DNAAF5: variants seen among roughly 807,000 people sequenced by gnomAD.
The protein encoded by DNAAF5 is HEAT repeat containing 2.
Under a neutral mutation model 75.8 loss-of-function variants are expected in DNAAF5, and 64 were observed. The ratio of observed to expected loss-of-function variants is 0.84; its 90% CI spans 0.69 to 1.04. The LOEUF is 1.04. Among genes scored for constraint, DNAAF5 ranks in the 50% least tolerant of loss-of-function variants. The probability of loss-of-function intolerance (pLI) is 0.00; values close to 1 mark genes in which losing one functional copy is unlikely to be tolerated. For synonymous variants in DNAAF5, 657 were observed against 557.2 expected, an observed-to-expected ratio of 1.18 and a Z score of -2.52; for missense variants, 1,269 against 1,178.5, an observed-to-expected ratio of 1.08 and a Z score of -1.12.
chr7:729,810 C>G lies in DNAAF5; in HGVS notation c.743C>G (p.Ser248Cys), dbSNP rs1429128654. 3 of 1,614,204 alleles carry G rather than the reference C, an allele frequency of 1.9e-6. No homozygotes were observed. The highest frequency in any genetic ancestry group is 2.5e-6 in the Non-Finnish European group (3 of 1,180,032). The change falls in exon 2 of 13, where the codon TCC becomes TGC. Residue 248 changes from serine to cysteine, a missense_variant. Transcript: ENST00000297440. ...GGGAAGTCCGTGGACGACGTGCTTT[C>G]CCATTTTGCTCAGCGACTGTTTGAT... ...GNGKSVDDVL[S>C]HFAQRLFDDV...
chr7:747,045 C>T (rs889089542), intron 4 of DNAAF5, among the ~76,000 whole-genome samples: 9 of 152,234 alleles, frequency 5.9e-5, no homozygotes, highest in South Asian at 4.1e-4. Flanking sequence ...GGGGCATATT[C>T]GGGTCCTTTC....
intron 2 of DNAAF5, among the ~76,000 whole-genome samples, chr7:731,285 ATCACTGTCTAAAAATACCG>A (rs1381102270): frequency 3.9e-5 from 6 of 152,160 alleles, no homozygotes; most frequent in Admixed American, 1.3e-4. Flanking sequence ...AAAAATAACC[ATCACTGTCTAAAAATACCG>A]TCACTGTCTA....
At chr7:741,630 G>T (rs1450270200) in intron 4 of DNAAF5, among the ~76,000 whole-genome samples, 165 bp downstream of exon 4, 1 of 152,174 alleles carries the variant, frequency 6.6e-6, no homozygotes, top group Non-Finnish European at 1.5e-5. Flanking sequence ...CTGCATCCTG[G>T]GCAGAGCACG....
rs1406417744 is a variant in DNAAF5, at chr7:766,363, C to T, written c.1783+2389C>T. Among the ~76,000 whole-genome samples, 4 of 151,928 alleles carry T rather than the reference C, an allele frequency of 2.6e-5. No individual in the cohort carries two copies. The East Asian group carries it at 7.7e-4, about 29-fold the overall frequency. ...TAAACAGAAGACAAAAGGATTAAAACAATTTTTTAATAGGAGAAATTTTTA... is the reference window on the plus strand; with the variant it reads ...TAAACAGAAGACAAAAGGATTAAAATAATTTTTTAATAGGAGAAATTTTTA... On this transcript the variant is annotated intron_variant, in intron 8 of 12. Coordinates refer to ENST00000297440, the MANE Select transcript of DNAAF5 (RefSeq NM_017802.4).
At chr7:772,217 G>A (rs143394797) in intron 9 of DNAAF5, 1 of 152,402 alleles carries the variant, frequency 6.6e-6, no homozygotes, top group Non-Finnish European at 1.5e-5. Flanking sequence ...CCTCCCACAG[G>A]CTTTCTGTGT....
Position 757,133 on chromosome 7 carries a change from G to T in DNAAF5, c.1470+139G>T, listed in dbSNP as rs896009940. 5.0e-6 allele frequency: 4 copies of T among 802,182 alleles called. No homozygotes were observed. In the Admixed American group the frequency reaches 1.1e-4, roughly 22 times the overall value. The allele number at this position is 802,182 out of a possible 1,614,324, so 49.7% of individuals were successfully genotyped here. On this transcript the variant is annotated intron_variant, in intron 6 of 12. Coordinates refer to ENST00000297440, the MANE Select transcript of DNAAF5 (RefSeq NM_017802.4). ...GAAGCACCCAGCGACGTGTCTGTGGGTCCGCCCCGTGCCGCCAGGCCGGGC... is the reference window on the plus strand; with the variant it reads ...GAAGCACCCAGCGACGTGTCTGTGGTTCCGCCCCGTGCCGCCAGGCCGGGC...
chr7:731,916 T>C (rs1455786272), intron 2 of DNAAF5, among the ~76,000 whole-genome samples: 1 of 152,110 alleles, frequency 6.6e-6, no homozygotes, highest in African/African-American at 2.4e-5. Flanking sequence ...TGCAGACACC[T>C]CCACCCCCTC....
At chr7:780,826 CTTTTTTTTTT>C in intron 12 of DNAAF5, among the ~76,000 whole-genome samples, 1 of 131,268 alleles carries the variant, frequency 7.6e-6, no homozygotes, top group Admixed American at 7.6e-5. Context: ...TTTTTTTTTT[CTTTTTTTTTT>C]TTTTGTTTTG....
At chr7:744,878 C>T (rs919758541) in intron 4 of DNAAF5, among the ~76,000 whole-genome samples, 8 of 152,184 alleles carry the variant, frequency 5.3e-5, no homozygotes, top group Admixed American at 4.6e-4. Flanking sequence ...GCTGGTATTA[C>T]AGAGGTGAGC....
intron 8 of DNAAF5, among the ~76,000 whole-genome samples, chr7:765,992 C>T (rs767158236): frequency 6.6e-6 from 1 of 152,156 alleles, no homozygotes; most frequent in Non-Finnish European, 1.5e-5. Context: ...CCACGCCTGG[C>T]TAATTTTTGT....
rs1445217440 is a variant in DNAAF5, at chr7:774,143, C to A, written c.2027C>A (p.Ala676Asp). 6.2e-7 allele frequency: 1 copy of A among 1,612,128 alleles called. No individual in the cohort carries two copies. The highest frequency in any genetic ancestry group is 1.7e-5 in the Admixed American group (1 of 60,014). The change falls in exon 10 of 13, where the codon GCT becomes GAT. Residue 676 changes from alanine (A) to aspartate (D), a missense_variant. Transcript: ENST00000297440. ...AGGACAGCCGCGGCCATCCGCACGG[C>A]TGCCGTGTCCTGCCTCTGGGCGCTC... is the stretch of plus-strand genomic sequence containing the variant. ...AGRTAAAIRT[A>D]AVSCLWALTS...
At chr7:765,076 G>C (rs1002457103) in intron 8 of DNAAF5, among the ~76,000 whole-genome samples, 1 of 152,204 alleles carries the variant, frequency 6.6e-6, no homozygotes, top group African/African-American at 2.4e-5. Flanking sequence ...AGCTGTGACT[G>C]CACTGCTGCA....
intron 11 of DNAAF5, among the ~76,000 whole-genome samples, chr7:776,590 G>T (rs1466922593): frequency 1.3e-5 from 2 of 152,194 alleles, no homozygotes; most frequent in Non-Finnish European, 2.9e-5. Context: ...CAGGACCAGG[G>T]GCACAGCCTC....
chr7:785,466 T>C (rs1779116019), intron 12 of DNAAF5, 51 bp from the exon 13 acceptor site: 1 of 1,595,908 alleles, frequency 6.3e-7, no homozygotes, highest in Non-Finnish European at 8.6e-7. Context: ...AGAGGTAAGA[T>C]TGGTTTCATG....
chr7:775,182 C>A lies in DNAAF5; in HGVS notation c.2239+20C>A. On this transcript the variant is annotated intron_variant, in intron 11 of 12. Coordinates refer to ENST00000297440, the MANE Select transcript of DNAAF5 (RefSeq NM_017802.4). The stretch of plus-strand genomic sequence containing the variant: ...ATCCTGGTAGGACATTTCTGTTGTT[C>A]ACAGCCTGTGTATATGCAGTCAGCC... 6.2e-7 allele frequency: 1 copy of A among 1,612,778 alleles called. No homozygotes were observed. The highest frequency in any genetic ancestry group is 8.5e-7 in the Non-Finnish European group (1 of 1,178,954).
At chr7:755,970 C>T (rs1408286137) in intron 5 of DNAAF5, among the ~76,000 whole-genome samples, 3 of 146,782 alleles carry the variant, frequency 2.0e-5, no homozygotes, top group African/African-American at 7.6e-5. Context: ...TGTGTGTGAT[C>T]CACTGTGGAA....
intron 2 of DNAAF5, among the ~76,000 whole-genome samples, chr7:736,548 T>A (rs1781744984): frequency 6.6e-6 from 1 of 152,248 alleles, no homozygotes; most frequent in Admixed American, 6.5e-5. Flanking sequence ...TCCATTTGTA[T>A]GGAATATCTT....
chr7:731,724 G>A (rs564544469), intron 2 of DNAAF5, among the ~76,000 whole-genome samples: 1 of 152,174 alleles, frequency 6.6e-6, no homozygotes, highest in African/African-American at 2.4e-5. Context: ...ATTAGTGTTA[G>A]TGTTATTTTA....
rs1781630809 is a variant in DNAAF5 at position 732,924 on chromosome 7, AG to A, written c.780+3079del. Among the ~76,000 whole-genome samples the A allele has an allele frequency of 5.9e-5, 9 of 152,278 alleles. No individual in the cohort carries two copies. In the South Asian group the frequency reaches 1.9e-3, roughly 32 times the overall value. ...TTTCATAGTTTGAGGTCTTAGATTG[AG>A]GTCTTTAATCTATTTTGATTTGATT... On this transcript the variant is annotated intron_variant, in intron 2 of 12. Coordinates refer to ENST00000297440, the MANE Select transcript of DNAAF5 (RefSeq NM_017802.4).
Sources: allele counts gnomAD v4.1 joint callset (sites outside exome capture counted in the v4.1 genomes callset), GRCh38; gene constraint gnomAD v4.1.1; transcripts MANE v1.5; gene names NCBI Gene and HGNC (gene_info 2026-07-23, HGNC 2026-07-21).